LIPA: variants seen among roughly 807,000 people sequenced by gnomAD.
The protein encoded by LIPA is lysosomal acid lipase/cholesteryl ester hydrolase.
In LIPA, 26 loss-of-function variants were observed where a neutral mutation model predicts 40.6. That is an observed-to-expected ratio of 0.64 (90% CI 0.47 to 0.89). LIPA has a LOEUF of 0.89. Ranked by LOEUF, LIPA falls within the 40% of genes least tolerant of loss-of-function variation. The pLI, the probability that LIPA is intolerant of heterozygous loss-of-function variation, is 0.00. For synonymous variants in LIPA, 188 were observed against 168.4 expected, an observed-to-expected ratio of 1.12 and a Z score of -0.90; for missense variants, 455 against 479.6, an observed-to-expected ratio of 0.95 and a Z score of 0.48.
intron 2 of LIPA, chr10:89,378,107 T>C (rs764439066): frequency 3.1e-6 from 5 of 1,613,620 alleles, no homozygotes; most frequent in Non-Finnish European, 4.2e-6. Flanking sequence ...ACCAAAGCAC[T>C]ACAGATCACC....
intron 1 of LIPA, among the ~76,000 whole-genome samples, chr10:89,321,820 A>G (rs903367377): frequency 6.6e-6 from 1 of 152,226 alleles, no homozygotes; most frequent in African/African-American, 2.4e-5. Flanking sequence ...GAACCAACCC[A>G]AATGTCCATC....
intron 1 of LIPA, among the ~76,000 whole-genome samples, chr10:89,310,053 T>C (rs938082249): frequency 2.0e-5 from 3 of 152,236 alleles, no homozygotes; most frequent in African/African-American, 7.2e-5. Flanking sequence ...CTGCCTTCAA[T>C]ACATTTCACA....
rs113703825 is a variant in LIPA, at chr10:89,378,039, C to T, written c.61+34752G>A. 3.7e-6 allele frequency: 5 copies of T among 1,333,512 alleles called. No homozygotes were observed. The African/African-American group carries it at 5.8e-5, about 16-fold the overall frequency. The allele number at this position is 1,333,512 out of a possible 1,614,324, so 82.6% of individuals were successfully genotyped here. On this transcript the variant is annotated intron_variant, in intron 2 of 8. Coordinates refer to the LIPA transcript ENST00000371837. ...ATACCTCCCATATATAAGCACCATG[C>T]TTATCTGAGAAGCCCTAGAACTCTG...
intron 1 of LIPA, chr10:89,328,125 T>TTG: frequency 6.3e-7 from 1 of 1,596,532 alleles, no homozygotes; most frequent in Non-Finnish European, 8.6e-7. Context: ...TGAGTGCAAA[T>TTG]TGTAAGTTGA....
chr10:89,395,417 G>T (rs999249566), intron 2 of LIPA, among the ~76,000 whole-genome samples: 73 of 152,166 alleles, frequency 4.8e-4, no homozygotes, highest in Admixed American at 4.8e-3. Context: ...GCCCTGCAAG[G>T]CATATTACCC....
At chr10:89,219,355 A>G (rs1842667975) in intron 8 of LIPA, among the ~76,000 whole-genome samples, 1 of 152,140 alleles carries the variant, frequency 6.6e-6, no homozygotes, top group Non-Finnish European at 1.5e-5. Flanking sequence ...GCCTTCTTCA[A>G]ACAGGTGAGA....
At chr10:89,245,495 T>C (rs1843011747) in intron 3 of LIPA, among the ~76,000 whole-genome samples, 181 bp downstream of exon 3, 1 of 152,240 alleles carries the variant, frequency 6.6e-6, no homozygotes, top group African/African-American at 2.4e-5. Context: ...AAAAATTAGA[T>C]GACTCTTGTC....
At chr10:89,391,237 A>G (rs1844247559) in intron 2 of LIPA, among the ~76,000 whole-genome samples, 1 of 152,204 alleles carries the variant, frequency 6.6e-6, no homozygotes, top group African/African-American at 2.4e-5. Flanking sequence ...TATTTGAGAC[A>G]GGGGCTCACT....
At chr10:89,230,371 A>T (rs1842825312) in intron 3 of LIPA, among the ~76,000 whole-genome samples, 1 of 152,156 alleles carries the variant, frequency 6.6e-6, no homozygotes. Flanking sequence ...CAGTGGCGTG[A>T]TCTCTGCTCA....
intron 2 of LIPA, among the ~76,000 whole-genome samples, chr10:89,401,781 A>G (rs1011607597): frequency 5.2e-5 from 3 of 57,910 alleles, no homozygotes; most frequent in Admixed American, 1.5e-4. Flanking sequence ...TTCCAAGTAA[A>G]AAAAAAATGA....
intron 1 of LIPA, among the ~76,000 whole-genome samples, chr10:89,248,794 T>C (rs1843073574): frequency 6.6e-6 from 1 of 152,074 alleles, no homozygotes; most frequent in Admixed American, 6.5e-5. Context: ...GGAATTACTT[T>C]TAACTAAGAA....
At chr10:89,240,666 C>T (rs1253088102) in intron 3 of LIPA, among the ~76,000 whole-genome samples, 1 of 152,098 alleles carries the variant, frequency 6.6e-6, no homozygotes, top group Non-Finnish European at 1.5e-5. Context: ...AATAGTAGAG[C>T]CAGAACTTAC....
At chr10:89,268,359 T>C (rs1359464520) in intron 1 of LIPA, among the ~76,000 whole-genome samples, 2 of 152,252 alleles carry the variant, frequency 1.3e-5, no homozygotes, top group Non-Finnish European at 2.9e-5. Flanking sequence ...GTGCTTAGAA[T>C]AGTGCCTTGC....
intron 2 of LIPA, among the ~76,000 whole-genome samples, chr10:89,353,207 T>C (rs1843969315): frequency 6.6e-6 from 1 of 152,180 alleles, no homozygotes; most frequent in African/African-American, 2.4e-5. Flanking sequence ...TAGAAATACC[T>C]GAAATTGGTA....
Position 89,391,562 on chromosome 10 carries a change from G to A in LIPA, c.61+21229C>T, listed in dbSNP as rs558053495. Reference sequence around the variant, plus strand: ...TATTTATTTTTTTAGACGGAGTCTCGCTCTGTCACCAGACTGGAGTACAGT... The same window carrying A: ...TATTTATTTTTTTAGACGGAGTCTCACTCTGTCACCAGACTGGAGTACAGT... On this transcript the variant is annotated intron_variant, in intron 2 of 8. Transcript: ENST00000371837. 1.9e-4 allele frequency among the ~76,000 whole-genome samples: 29 copies of A among 151,662 alleles called. 1 individual carries two copies. Among genetic ancestry groups the A allele is most frequent in the African/African-American group, 6.5e-4 (27 of 41,312 alleles).
chr10:89,355,496 C>CT (rs1334581017), intron 2 of LIPA, among the ~76,000 whole-genome samples: 1 of 152,192 alleles, frequency 6.6e-6, no homozygotes, highest in African/African-American at 2.4e-5. Flanking sequence ...GTTTGTTATT[C>CT]TTCAGTTGAA....
intron 2 of LIPA, among the ~76,000 whole-genome samples, chr10:89,364,816 C>G (rs1043005811): frequency 3.3e-5 from 5 of 151,922 alleles, no homozygotes; most frequent in African/African-American, 1.2e-4. Context: ...TTCTCTGTAT[C>G]CAAAAATCTA....
intron 2 of LIPA, among the ~76,000 whole-genome samples, chr10:89,247,021 G>A (rs1043562648): frequency 5.3e-5 from 8 of 152,070 alleles, no homozygotes; most frequent in African/African-American, 1.4e-4. Flanking sequence ...ATTAAACTGA[G>A]GTTTGTTGGC....
At chr10:89,282,672 C>G (rs1843322519) in intron 1 of LIPA, among the ~76,000 whole-genome samples, 2 of 151,936 alleles carry the variant, frequency 1.3e-5, no homozygotes, top group African/African-American at 4.8e-5. Context: ...AGAAAGAAAA[C>G]AGATACTTTC....
Sources: allele counts gnomAD v4.1 joint callset (sites outside exome capture counted in the v4.1 genomes callset), GRCh38; gene constraint gnomAD v4.1.1; transcripts MANE v1.5; gene names NCBI Gene and HGNC (gene_info 2026-07-23, HGNC 2026-07-21).